BRF1: variants seen among roughly 807,000 people sequenced by gnomAD.
BRF1 encodes BRF1 general transcription factor IIIB subunit.
A neutral mutation model predicts 81.7 loss-of-function variants in BRF1; 59 were observed. The ratio of observed to expected loss-of-function variants is 0.72; its 90% CI spans 0.59 to 0.90. BRF1 has a LOEUF of 0.90. Among genes scored for constraint, BRF1 ranks in the 40% least tolerant of loss-of-function variants. The pLI is 0.00. For synonymous variants in BRF1, 491 were observed against 395.6 expected, an observed-to-expected ratio of 1.24 and a Z score of -2.86; for missense variants, 1,050 against 936.3, an observed-to-expected ratio of 1.12 and a Z score of -1.58.
chr14:105,222,390 A>T (rs587628708), intron 10 of BRF1: 1 of 154,924 alleles, frequency 6.5e-6, no homozygotes, highest in African/African-American at 2.4e-5. Context: ...AACACAACCC[A>T]ATTAAAAAAT....
At chr14:105,280,207 C>T (rs1008659483) in intron 2 of BRF1, among the ~76,000 whole-genome samples, 5 of 152,214 alleles carry the variant, frequency 3.3e-5, no homozygotes, top group African/African-American at 1.2e-4. Context: ...TTACTCACCA[C>T]TAAAGAGAAA....
chr14:105,248,264 G>C, intron 5 of BRF1: 1 of 985,466 alleles, frequency 1.0e-6, no homozygotes, highest in Non-Finnish European at 1.2e-6. Context: ...GCCAGAGGCA[G>C]ACTCCGGAAT....
chr14:105,221,023 T>C (rs587719165), intron 11 of BRF1, among the ~76,000 whole-genome samples: 2 of 152,338 alleles, frequency 1.3e-5, no homozygotes, highest in South Asian at 4.1e-4. Context: ...CAGATATCAC[T>C]TGATAAACAT....
chr14:105,226,113 C>T lies in BRF1; in HGVS notation c.1004G>A (p.Ser335Asn). 4.3e-6 allele frequency: 7 copies of T among 1,613,946 alleles called. No homozygotes were observed. Among genetic ancestry groups the T allele is most frequent in the Non-Finnish European group, 5.9e-6 (7 of 1,180,026 alleles). Residue 335 changes from serine (S) to asparagine (N), a missense_variant, in exon 10 of 18, where the codon AGC becomes AAC. Physicochemically the swap from Ser to Asn is conservative, Grantham distance 46 (BLOSUM62 1). This residue lies in a region of BRF1 where 1,043 missense variants were observed against 915.4 expected (regional missense o/e 1.14). Transcript: ENST00000547530. Reference protein sequence around the residue: ...QDAIEIELENSRPKAKGGLAS... With the variant: ...QDAIEIELENNRPKAKGGLAS... Reference sequence around the variant, plus strand: ...CAGGCCCCCCTTGGCCTTTGGCCGGCTGTTTTCTAGTTCAATCTCAATTGC... The same window carrying T: ...CAGGCCCCCCTTGGCCTTTGGCCGGTTGTTTTCTAGTTCAATCTCAATTGC...
chr14:105,277,948 G>C (rs923949195), intron 2 of BRF1, among the ~76,000 whole-genome samples: 3 of 152,096 alleles, frequency 2.0e-5, no homozygotes, highest in Non-Finnish European at 4.4e-5. Context: ...TACAGACAGG[G>C]TTTCACACTG....
chr14:105,292,727 A>G (rs962078954), intron 1 of BRF1, among the ~76,000 whole-genome samples: 3 of 152,180 alleles, frequency 2.0e-5, no homozygotes, highest in Non-Finnish European at 4.4e-5. Context: ...TGGGAGGAGC[A>G]CTGACAAACA....
At chr14:105,252,801 G>T (rs991841131) in intron 4 of BRF1, among the ~76,000 whole-genome samples, 9 of 152,178 alleles carry the variant, frequency 5.9e-5, no homozygotes. Flanking sequence ...CTGCCGTCTC[G>T]CCAATGATGG....
Position 105,249,461 on chromosome 14 carries a change from C to T in BRF1, c.544+3046G>A, listed in dbSNP as rs1396869175. The T allele has an allele frequency of 1.0e-5, 16 of 1,601,118 alleles. 1 individual carries two copies. The Middle Eastern group carries it at 6.7e-4, about 67-fold the overall frequency. ...ACATTCCAGACGTGGAGCCCGCAGC[C>T]TTTCTGATCCTCTTAAAGTAAGTCC... On this transcript the variant is annotated intron_variant, in intron 5 of 17. Transcript: ENST00000547530.
intron 3 of BRF1, among the ~76,000 whole-genome samples, chr14:105,261,405 G>GAACC (rs747958299): frequency 3.9e-5 from 6 of 152,148 alleles, no homozygotes; most frequent in Non-Finnish European, 8.8e-5. Context: ...CCGGCTCCAG[G>GAACC]AACCAACCAG....
chr14:105,247,369 G>A (rs1048753263), intron 5 of BRF1: 10 of 985,332 alleles, frequency 1.0e-5, no homozygotes, highest in South Asian at 4.7e-5. Flanking sequence ...GGGGGCTCGG[G>A]CACCCCATTC....
chr14:105,289,266 C>T (rs1359483061), intron 1 of BRF1, among the ~76,000 whole-genome samples: 1 of 152,150 alleles, frequency 6.6e-6, no homozygotes, highest in African/African-American at 2.4e-5. Flanking sequence ...TCGTTTGAGT[C>T]CAGAAGGTGG....
intron 4 of BRF1, among the ~76,000 whole-genome samples, chr14:105,253,579 C>T (rs1338904084): frequency 6.6e-6 from 1 of 152,226 alleles, no homozygotes; most frequent in Non-Finnish European, 1.5e-5. Flanking sequence ...ACCTAAGGGA[C>T]CGCACACAAA....
chr14:105,282,034 C>T (rs899884055), intron 2 of BRF1, among the ~76,000 whole-genome samples: 2 of 152,174 alleles, frequency 1.3e-5, no homozygotes, highest in Non-Finnish European at 2.9e-5. Flanking sequence ...TCAGAACCGT[C>T]GCTTCAGAAC....
At chr14:105,227,070 A>G (rs757124302) in intron 7 of BRF1, 2 of 323,490 alleles carry the variant, frequency 6.2e-6, no homozygotes, top group Non-Finnish European at 1.1e-5. Context: ...GAGCTGTGAT[A>G]GCGCCACTGG....
chr14:105,284,108 T>C lies in BRF1; in HGVS notation c.265+2188A>G, dbSNP rs2057224110. 6.6e-6 allele frequency among the ~76,000 whole-genome samples: 1 copy of C among 152,040 alleles called. No individual in the cohort carries two copies. Among genetic ancestry groups the C allele is most frequent in the African/African-American group, 2.4e-5 (1 of 41,382 alleles). On this transcript the variant is annotated intron_variant, in intron 2 of 17. Coordinates refer to ENST00000547530, the MANE Select transcript of BRF1 (RefSeq NM_001519.4). This position sits in a 1 kb window ranked among gnomAD's most constrained non-coding sequence, Gnocchi z 4.0. ...CCAGTGGAGAGGAAGAGGGATGTGC[T>C]GCGCTGCACCCGCTTCCTGCAGGAA... is the stretch of plus-strand genomic sequence containing the variant.
intron 5 of BRF1, chr14:105,249,589 C>T (rs375252620): frequency 6.2e-5 from 98 of 1,586,232 alleles, no homozygotes; most frequent in Non-Finnish European, 7.9e-5. Flanking sequence ...GGCCCAGCCC[C>T]GCGATGGGTG....
At chr14:105,279,663 A>T (rs2056988022) in intron 2 of BRF1, among the ~76,000 whole-genome samples, 1 of 152,170 alleles carries the variant, frequency 6.6e-6, no homozygotes, top group African/African-American at 2.4e-5. Context: ...TCTAATGATG[A>T]GCACACCCAG....
At position 105,219,071 on chromosome 14, in the gene BRF1, G is replaced by A; in HGVS notation, c.1460-18C>T. The A allele has an allele frequency of 1.2e-6, 2 of 1,613,922 alleles. No homozygotes were observed. Among genetic ancestry groups the A allele is most frequent in the South Asian group, 1.1e-5 (1 of 91,088 alleles). On this transcript the variant is annotated intron_variant, in intron 13 of 17. Transcript: ENST00000547530. ...TTCTTTTTCTAAAAGTTCAGAAAGG[G>A]GGCCAGCGTCACTGAGGGCCCACGC...
chr14:105,274,882 A>G (rs1387654685), intron 2 of BRF1, among the ~76,000 whole-genome samples: 1 of 152,190 alleles, frequency 6.6e-6, no homozygotes. Context: ...GCTCCAGGCA[A>G]TTAGCCCCAT....
Sources: gnomAD v4.1 joint callset for allele counts (sites outside exome capture counted in the v4.1 genomes callset) on GRCh38, gnomAD v4.1.1 for gene constraint, gnomAD v4.1.1 regional missense constraint, Gnocchi (gnomAD v3.1) non-coding constraint, MANE v1.5 for transcripts, NCBI Gene and HGNC (gene_info 2026-07-23, HGNC 2026-07-21) for gene names.